The following BRWD1 variants were observed in gnomAD, a reference collection of about 807,000 sequenced individuals.
The protein encoded by BRWD1 is bromodomain and WD repeat domain containing 1.
In BRWD1, 82 loss-of-function variants were observed where a neutral mutation model predicts 251.2. The observed-to-expected ratio is 0.33, with a 90% CI of 0.27 to 0.39. The LOEUF is 0.39. BRWD1 is among the 10% of genes least tolerant of loss of function. The pLI, the probability that BRWD1 is intolerant of heterozygous loss-of-function variation, is 1.00. For synonymous variants in BRWD1, 918 were observed against 902.8 expected (o/e 1.02, Z -0.30); for missense variants, 2,233 against 2,711.6 (o/e 0.82, Z 3.92).
chr21:39,309,827 A>G (rs2036417170), intron 4 of BRWD1, among the ~76,000 whole-genome samples: 1 of 145,700 alleles, frequency 6.9e-6, no homozygotes, highest in African/African-American at 2.7e-5. Flanking sequence ...TCCGTCTCAA[A>G]AAAAAAAAAA....
At chr21:39,266,649 C>T (rs2034931456) in intron 15 of BRWD1, among the ~76,000 whole-genome samples, 1 of 152,242 alleles carries the variant, frequency 6.6e-6, no homozygotes, top group African/African-American at 2.4e-5. Flanking sequence ...TGGGGTTTCA[C>T]TTGTAACTGG....
chr21:39,217,268 G>C (rs2032993938), intron 31 of BRWD1: 1 of 151,404 alleles, frequency 6.6e-6, no homozygotes, highest in Non-Finnish European at 1.5e-5. Context: ...GCTAATTTTT[G>C]TATTTTCAGT....
rs750305072 is a variant in BRWD1 at position 39,264,664 on chromosome 21, G to A, written c.1681C>T (p.His561Tyr). The change falls in exon 17 of 41, where the codon CAT becomes TAT. Residue 561 changes from histidine (H) to tyrosine (Y), a missense_variant. Transcript: ENST00000342449. ...CTAATAAGTGGTCGATAGTCAGTATGGAAGAACATCTGATCAGGAATCTAG... is the reference window on the plus strand; with the variant it reads ...CTAATAAGTGGTCGATAGTCAGTATAGAAGAACATCTGATCAGGAATCTAG... ...YEKIPDQMFFHTDYRPLIRDS... is the reference protein window; with the variant it reads ...YEKIPDQMFFYTDYRPLIRDS... 1.2e-6 allele frequency: 2 copies of A among 1,608,426 alleles called. No homozygotes were observed. The highest frequency in any genetic ancestry group is 1.7e-5 in the Admixed American group (1 of 59,326).
At chr21:39,312,595 G>A (rs535238825) in intron 4 of BRWD1, 71 of 360,166 alleles carry the variant, frequency 2.0e-4, no homozygotes, top group African/African-American at 1.3e-3. Context: ...CCCTGCCGCA[G>A]GACCTCCGCG....
intron 4 of BRWD1, chr21:39,312,602 C>T (rs2036527285): frequency 5.5e-6 from 2 of 365,306 alleles, no homozygotes; most frequent in Non-Finnish European, 1.0e-5. Flanking sequence ...GCAGGACCTC[C>T]GCGAGTCGCC....
chr21:39,311,270 T>C (rs74618095), intron 4 of BRWD1, among the ~76,000 whole-genome samples: 21,493 of 151,936 alleles, frequency 0.14, 1,988 homozygotes, highest in East Asian at 0.21. Flanking sequence ...CAGAGTCAAG[T>C]GATCCTTCCG....
chr21:39,212,827 CA>C, intron 33 of BRWD1, 120 bp from the exon 34 acceptor site: 1 of 643,782 alleles, frequency 1.6e-6, no homozygotes, highest in Non-Finnish European at 2.5e-6. Context: ...ATGTTATTAT[CA>C]AAATCTCCAA....
chr21:39,209,291 T>TA (rs958571807), intron 36 of BRWD1, among the ~76,000 whole-genome samples: 88 of 150,886 alleles, frequency 5.8e-4, no homozygotes, highest in African/African-American at 1.6e-3. Flanking sequence ...ACCTTTTCTT[T>TA]AAAAAAAAAT....
chr21:39,236,545 A>T, intron 23 of BRWD1, 50 bp downstream of exon 23: 1 of 1,411,850 alleles, frequency 7.1e-7, no homozygotes. Context: ...AAATGGGGTA[A>T]AGCTGGGGTA....
intron 8 of BRWD1, among the ~76,000 whole-genome samples, chr21:39,286,016 C>CTGTTTTTTTT (rs2035623845): frequency 9.5e-6 from 1 of 104,806 alleles, no homozygotes; most frequent in Non-Finnish European, 1.8e-5. Flanking sequence ...ACCATATGAA[C>CTGTTTTTTTT]TTTTTTTTTT....
At chr21:39,209,860 A>T in intron 36 of BRWD1, 135 bp downstream of exon 36, 1 of 853,526 alleles carries the variant, frequency 1.2e-6, no homozygotes, top group Non-Finnish European at 1.7e-6. Context: ...TAATAGTCTT[A>T]ATTTATTCAC....
At chr21:39,207,451 A>AACACACACACACAC (rs58765400) in intron 36 of BRWD1, among the ~76,000 whole-genome samples, 7,841 of 131,156 alleles carry the variant, frequency 0.06, 264 homozygotes, top group African/African-American at 0.071. Context: ...AAAAAAAGAA[A>AACACACACACACAC]ACACACACAC....
intron 8 of BRWD1, among the ~76,000 whole-genome samples, chr21:39,285,300 T>C (rs978176905): frequency 1.4e-4 from 21 of 151,784 alleles, no homozygotes; most frequent in Admixed American, 1.2e-3. Context: ...AATAGAACAG[T>C]GGTTACCTAT....
upstream of BRWD1, among the ~76,000 whole-genome samples, chr21:39,318,330 A>G (rs2036718389): frequency 1.3e-5 from 2 of 152,150 alleles, no homozygotes; most frequent in African/African-American, 4.8e-5. Context: ...AGATAAGGAA[A>G]TCTGTGAGCA....
Position 39,246,427 on chromosome 21 carries a change from G to C in BRWD1, c.2481+1274C>G, listed in dbSNP as rs145477876. Among the ~76,000 whole-genome samples the C allele has an allele frequency of 3.9e-5, 6 of 152,320 alleles. No homozygotes were observed. The East Asian group carries it at 1.2e-3, about 29-fold the overall frequency. ...TTTCTGGTGGGAATATAAAATGGTA[G>C]AGCCAATCTGAAGGAGTCTGGAGGG... On this transcript the variant is annotated intron_variant, in intron 21 of 40. Transcript: ENST00000342449.
intron 4 of BRWD1, among the ~76,000 whole-genome samples, chr21:39,304,232 A>G (rs1398843610): frequency 1.3e-5 from 2 of 150,896 alleles, no homozygotes; most frequent in African/African-American, 4.9e-5. Flanking sequence ...TACTTGATTA[A>G]TCAAAAAAAA....
intron 4 of BRWD1, among the ~76,000 whole-genome samples, chr21:39,301,176 CAAAA>C (rs35360577): frequency 4.6e-5 from 3 of 65,408 alleles, no homozygotes; most frequent in East Asian, 4.3e-4. Flanking sequence ...AAGGCTCCCA[CAAAA>C]AAAAAAAAAA....
chr21:39,225,355 T>C (rs1001071436), intron 27 of BRWD1, among the ~76,000 whole-genome samples, 158 bp from the exon 28 acceptor site: 2 of 152,150 alleles, frequency 1.3e-5, no homozygotes, highest in African/African-American at 4.8e-5. Context: ...AAATATGGCA[T>C]AAAAAATTTA....
In BRWD1 at chr21:39,195,791, T is replaced by C; in HGVS notation, c.*468A>G. ...CTCGCCTACTAATCATGGTTACACCTCCCATGATTATAGTGTCAGTATGCA... is the reference window on the plus strand; with the variant it reads ...CTCGCCTACTAATCATGGTTACACCCCCCATGATTATAGTGTCAGTATGCA... On this transcript the variant is annotated 3_prime_UTR_variant, in exon 41 of 41. Coordinates refer to ENST00000342449, the MANE Select transcript of BRWD1 (RefSeq NM_033656.4). 3.0e-6 allele frequency: 3 copies of C among 985,646 alleles called. No homozygotes were observed. The highest frequency in any genetic ancestry group is 3.6e-6 in the Non-Finnish European group (3 of 829,962). The allele number at this position is 985,646 out of a possible 1,614,324, so 61.1% of individuals were successfully genotyped here. A position where few individuals can be genotyped will look rare whatever the true frequency, so the allele number is the denominator to read the frequency against.
Sources: gnomAD v4.1 joint callset for allele counts (sites outside exome capture counted in the v4.1 genomes callset) on GRCh38, gnomAD v4.1.1 for gene constraint, MANE v1.5 for transcripts, NCBI Gene and HGNC (gene_info 2026-07-23, HGNC 2026-07-21) for gene names.